TUBA8: variants seen among roughly 807,000 people sequenced by gnomAD.
TUBA8 encodes tubulin alpha-8 chain.
Under a neutral mutation model 34.7 loss-of-function variants are expected in TUBA8, and 29 were observed. That is an observed-to-expected ratio of 0.84 (90% confidence interval 0.62 to 1.14). The LOEUF (loss-of-function observed/expected upper bound fraction) is 1.14. Ranked by LOEUF, TUBA8 falls within the 50% of genes most tolerant of loss-of-function variation. The probability of loss-of-function intolerance (pLI) is 0.00; values close to 1 mark genes in which losing one functional copy is unlikely to be tolerated. For missense variants in TUBA8, 541 were observed against 599.2 expected, an observed-to-expected ratio of 0.90 and a Z score of 1.01; for synonymous variants, 226 against 231.2, an observed-to-expected ratio of 0.98 and a Z score of 0.21.
rs1422108275 is a variant in TUBA8 at position 18,119,476 on chromosome 22, ACT to A, written c.4-2001_4-2000del. On this transcript the variant is annotated intron_variant, in intron 1 of 4. Transcript: ENST00000330423. The surrounding 1 kb of genome is among the most constrained non-coding windows in gnomAD (Gnocchi z 5.9). The stretch of plus-strand genomic sequence containing the variant: ...TTTTCAGATGAGGAGAGGCTCAGTA[ACT>A]CAGCCCAGGCCACACAGCACAGCAA... 6.6e-6 allele frequency: 1 copy of A among 152,262 alleles called. No individual in the cohort carries two copies. The highest frequency in any genetic ancestry group is 2.4e-5 in the African/African-American group (1 of 41,458). 9.4% of individuals were successfully genotyped at this position (152,262 alleles called of 1,614,324 possible). A position where few individuals can be genotyped will look rare whatever the true frequency, so the allele number is the denominator to read the frequency against.
rs146534790 is a variant in TUBA8, at chr22:18,131,003, A to G, written c.1217A>G (p.His406Arg). The change falls in exon 5 of 5, where the codon CAT becomes CGT. Residue 406 changes from histidine (H) to arginine (R), a missense_variant. By Grantham distance (29) the His-to-Arg change is conservative. Coordinates refer to ENST00000330423, the MANE Select transcript of TUBA8 (RefSeq NM_018943.3). The surrounding 1 kb of genome is among the most constrained non-coding windows in gnomAD (Gnocchi z 5.3). ...ATGTACGCCAAGCGGGCCTTTGTGC[A>G]TTGGTATGTGGGAGAGGGGATGGAA... ...DLMYAKRAFV[H>R]WYVGEGMEEG... 1.2e-6 allele frequency: 2 copies of G among 1,614,146 alleles called. No homozygotes were observed. Among genetic ancestry groups the G allele is most frequent in the Admixed American group, 1.7e-5 (1 of 60,020 alleles).
At chr22:18,114,695 A>C (rs2123693127) in intron 1 of TUBA8, 1 of 152,292 alleles carries the variant, frequency 6.6e-6, no homozygotes, top group East Asian at 1.9e-4. Flanking sequence ...GTGTAATCAC[A>C]TGCTTCCTGA....
Position 18,110,885 on chromosome 22 carries a change from C to G in TUBA8, c.3+17C>G, listed in dbSNP as rs764520425. 3.9e-5 allele frequency: 60 copies of G among 1,546,800 alleles called. No homozygotes were observed. The highest frequency in any genetic ancestry group is 2.2e-4 in the Middle Eastern group (1 of 4,590). On this transcript the variant is annotated intron_variant, in intron 1 of 4. Coordinates refer to ENST00000330423, the MANE Select transcript of TUBA8 (RefSeq NM_018943.3). The surrounding 1 kb of genome is among the most constrained non-coding windows in gnomAD (Gnocchi z 6.2). ...GCAGCGATGGTGAGGCTTCCCGGGG[C>G]CAGGCGGGCTGCGGGCGCGCGGCAG...
chr22:18,125,105 G>A (rs9618203), intron 3 of TUBA8: 19,976 of 152,214 alleles, frequency 0.13, 1,559 homozygotes, highest in East Asian at 0.34. Flanking sequence ...ATTCTCTGGT[G>A]AGAGCTGACA....
chr22:18,123,422 T>C (rs1319265730), intron 2 of TUBA8: 1 of 149,168 alleles, frequency 6.7e-6, no homozygotes, highest in African/African-American at 2.5e-5. Flanking sequence ...GCCTGCCTAA[T>C]TTTTTTGTAT....
rs1357783725 is a variant in TUBA8, at chr22:18,118,785, GAGAC to G, written c.4-2688_4-2685del. 6.6e-6 allele frequency: 1 copy of G among 152,212 alleles called. No homozygotes were observed. Among genetic ancestry groups the G allele is most frequent in the Non-Finnish European group, 1.5e-5 (1 of 68,054 alleles). 9.4% of individuals were successfully genotyped at this position (152,212 alleles called of 1,614,324 possible). A position where few individuals can be genotyped will look rare whatever the true frequency, so the allele number is the denominator to read the frequency against. ...ACGACGGGGGCGGGGGAGAGAGAAA[GAGAC>G]AGACATTTTGTAAAAGACTGGCATA... is the stretch of plus-strand genomic sequence containing the variant. On this transcript the variant is annotated intron_variant, in intron 1 of 4. Transcript: ENST00000330423. This position sits in a 1 kb window ranked among gnomAD's most constrained non-coding sequence, Gnocchi z 4.0.
rs1411630217 is a variant in TUBA8 at position 18,111,573 on chromosome 22, C to T, written c.3+705C>T. The stretch of plus-strand genomic sequence containing the variant: ...GATCGCGGCTGCTCCCTTCCCTGCC[C>T]CCGCCCCTGGATCTTACTGAGGGGC... On this transcript the variant is annotated intron_variant, in intron 1 of 4. Coordinates refer to ENST00000330423, the MANE Select transcript of TUBA8 (RefSeq NM_018943.3). The surrounding 1 kb of genome is among the most constrained non-coding windows in gnomAD (Gnocchi z 5.1). The T allele has an allele frequency of 6.6e-6, 1 of 152,138 alleles. No homozygotes were observed. The highest frequency in any genetic ancestry group is 1.5e-5 in the Non-Finnish European group (1 of 68,082). The allele number at this position is 152,138 out of a possible 1,614,324, so 9.4% of individuals were successfully genotyped here.
chr22:18,121,171 G>T lies in TUBA8; in HGVS notation c.4-308G>T. On this transcript the variant is annotated intron_variant, in intron 1 of 4. Transcript: ENST00000330423. This position sits in a 1 kb window ranked among gnomAD's most constrained non-coding sequence, Gnocchi z 4.8. ...TCTTCCTTGGGCCTTCTTCACCAGT[G>T]CAGGAATCTTGTGGTTTGGAATTAG... is the stretch of plus-strand genomic sequence containing the variant. 2.6e-6 allele frequency: 1 copy of T among 386,570 alleles called. No homozygotes were observed. The allele number at this position is 386,570 out of a possible 1,614,324, so 23.9% of individuals were successfully genotyped here.
intron 1 of TUBA8, chr22:18,116,344 A>G (rs1356773284): frequency 4.6e-5 from 7 of 152,246 alleles, no homozygotes; most frequent in African/African-American, 1.7e-4. Flanking sequence ...GGGAGTTCAG[A>G]GCTGCAAGTG....
At position 18,124,029 on chromosome 22, in the gene TUBA8, GGTCTGGCTTCA is replaced by G. The variant is rs1490365316; in HGVS notation, c.227-126_227-116del. The G allele has an allele frequency of 1.8e-6, 2 of 1,137,456 alleles. No homozygotes were observed. The highest frequency in any genetic ancestry group is 2.6e-6 in the Non-Finnish European group (2 of 770,348). 70.5% of individuals were successfully genotyped at this position (1,137,456 alleles called of 1,614,324 possible). A position where few individuals can be genotyped will look rare whatever the true frequency, so the allele number is the denominator to read the frequency against. ...GCCTTTTGCAGATTCATTACGAGGT[GGTCTGGCTTCA>G]AACCTCCATGGAGTTTTATAGGTAG... On this transcript the variant is annotated intron_variant, in intron 2 of 4. Coordinates refer to ENST00000330423, the MANE Select transcript of TUBA8 (RefSeq NM_018943.3). This position sits in a 1 kb window ranked among gnomAD's most constrained non-coding sequence, Gnocchi z 4.3.
rs1927811409 is a variant in TUBA8, at chr22:18,111,511, G to C, written c.3+643G>C. ...AAGAAGTCTCTGCTTCCAAAGGCCAGGGGACCTTCGACCTGTTTCCTACCC... is the reference window on the plus strand; with the variant it reads ...AAGAAGTCTCTGCTTCCAAAGGCCACGGGACCTTCGACCTGTTTCCTACCC... On this transcript the variant is annotated intron_variant, in intron 1 of 4. Coordinates refer to ENST00000330423, the MANE Select transcript of TUBA8 (RefSeq NM_018943.3). The surrounding 1 kb of genome is among the most constrained non-coding windows in gnomAD (Gnocchi z 5.1). 6.5e-6 allele frequency: 1 copy of C among 152,882 alleles called. No individual in the cohort carries two copies. Among genetic ancestry groups the C allele is most frequent in the Admixed American group, 6.5e-5 (1 of 15,460 alleles). 9.5% of individuals were successfully genotyped at this position (152,882 alleles called of 1,614,324 possible). A position where few individuals can be genotyped will look rare whatever the true frequency, so the allele number is the denominator to read the frequency against.
In TUBA8 at chr22:18,130,843, G is replaced by C. The variant is rs763470261; in HGVS notation, c.1057G>C (p.Val353Leu). 1.2e-6 allele frequency: 2 copies of C among 1,613,596 alleles called. No homozygotes were observed. The highest frequency in any genetic ancestry group is 1.1e-5 in the South Asian group (1 of 91,056). Residue 353 changes from valine (V) to leucine (L), a missense_variant and splice_region_variant, in exon 5 of 5, where the codon GTG (valine) becomes CTG (leucine). By Grantham distance (32) the Val-to-Leu change is conservative (BLOSUM62 1). Coordinates refer to ENST00000330423, the MANE Select transcript of TUBA8 (RefSeq NM_018943.3). Reference protein sequence around the residue: ...FVDWCPTGFKVGINYQPPTVV... With the variant: ...FVDWCPTGFKLGINYQPPTVV... ...CTCCTCCTCTTTCTGTGTCCCTCAG[G>C]TGGGCATCAACTACCAGCCCCCGAC...
chr22:18,130,694 C>A, intron 4 of TUBA8, 149 bp from the exon 5 acceptor site: 1 of 997,846 alleles, frequency 1.0e-6, no homozygotes, highest in Non-Finnish European at 1.5e-6. Context: ...TCCCCAGTCC[C>A]ATCCCGCCTG....
intron 4 of TUBA8, chr22:18,127,394 GT>G (rs1302279460): frequency 0.019 from 2,730 of 147,276 alleles, 3 homozygotes; most frequent in Middle Eastern, 0.038. Context: ...CGTTAGTTTT[GT>G]TTTTTTTTTT....
chr22:18,126,568 A>G lies in TUBA8; in HGVS notation c.590A>G (p.His197Arg), dbSNP rs1928329567. 3 of 1,614,166 alleles carry G rather than the reference A, an allele frequency of 1.9e-6. No homozygotes were observed. The highest frequency in any genetic ancestry group is 2.5e-6 in the Non-Finnish European group (3 of 1,180,030). Residue 197 changes from histidine (H) to arginine (R), a missense_variant, in exon 4 of 5, where the codon CAT becomes CGT. Physicochemically the swap from His to Arg is conservative, Grantham distance 29. Transcript: ENST00000330423. This position sits in a 1 kb window ranked among gnomAD's most constrained non-coding sequence, Gnocchi z 4.0. ...CTGACCACCCACACCACACTGGAAC[A>G]TTCAGATTGTGCTTTCATGGTGGAC... Reference protein sequence around the residue: ...SILTTHTTLEHSDCAFMVDNE... With the variant: ...SILTTHTTLERSDCAFMVDNE...
intron 1 of TUBA8, chr22:18,112,317 T>C (rs1248910987): frequency 1.3e-5 from 2 of 152,198 alleles, no homozygotes; most frequent in Non-Finnish European, 2.9e-5. Context: ...ATCATCTAAG[T>C]TCAATAATTA....
rs1422777910 is a variant in TUBA8 at position 18,121,940 on chromosome 22, G to A, written c.226+239G>A. The A allele has an allele frequency of 9.2e-6, 5 of 544,952 alleles. No individual in the cohort carries two copies. Among genetic ancestry groups the A allele is most frequent in the African/African-American group, 1.9e-5 (1 of 53,074 alleles). 33.8% of individuals were successfully genotyped at this position (544,952 alleles called of 1,614,324 possible). On this transcript the variant is annotated intron_variant, in intron 2 of 4. Transcript: ENST00000330423. The surrounding 1 kb of genome is among the most constrained non-coding windows in gnomAD (Gnocchi z 4.8). ...CTCCCACTTCAACCCCAAAACCTGC[G>A]GCACCAGGTCAAAATGGTCACATCG...
At position 18,126,967 on chromosome 22, in the gene TUBA8, T is replaced by C. The variant is rs570863652; in HGVS notation, c.989T>C (p.Val330Ala). Residue 330 changes from valine to alanine, a missense_variant, in exon 4 of 5, where the codon GTC becomes GCC. Coordinates refer to ENST00000330423, the MANE Select transcript of TUBA8 (RefSeq NM_018943.3). This position sits in a 1 kb window ranked among gnomAD's most constrained non-coding sequence, Gnocchi z 4.0. ...GACGTGGTGCCCAAGGATGTGAATG[T>C]CGCTATTGCTGCCATCAAGACCAAG... ...RGDVVPKDVN[V>A]AIAAIKTKRT... The C allele has an allele frequency of 6.2e-7, 1 of 1,613,664 alleles. No individual in the cohort carries two copies. The highest frequency in any genetic ancestry group is 1.1e-5 in the South Asian group (1 of 91,048).
In TUBA8 at chr22:18,121,463, T is replaced by C. The variant is rs1267198077; in HGVS notation, c.4-16T>C. On this transcript the variant is annotated splice_polypyrimidine_tract_variant and intron_variant, in intron 1 of 4. Transcript: ENST00000330423. This position sits in a 1 kb window ranked among gnomAD's most constrained non-coding sequence, Gnocchi z 4.8. ...GGCCCAGACTCTCTGACCTCGTTGC[T>C]TCCCTCTCCCCACAGCGGGAATGCA... 2.5e-6 allele frequency: 4 copies of C among 1,612,736 alleles called. No homozygotes were observed. Among genetic ancestry groups the C allele is most frequent in the Non-Finnish European group, 3.4e-6 (4 of 1,178,702 alleles).
Sources: gnomAD v4.1 joint callset for allele counts on GRCh38, gnomAD v4.1.1 for gene constraint, Gnocchi (gnomAD v3.1) non-coding constraint, MANE v1.5 for transcripts, NCBI Gene and HGNC (gene_info 2026-07-23, HGNC 2026-07-21) for gene names.